The following ENTREP2 variants were observed in gnomAD, a reference collection of about 807,000 sequenced individuals.
ENTREP2 encodes the protein endosomal transmembrane epsin interactor 2, also known as protein ENTREP2.
At chr15:29,214,696 A>AT in the ENTREP2 span, among the ~76,000 whole-genome samples, 1 of 149,248 alleles carries the variant, frequency 6.7e-6, no homozygotes, top group African/African-American at 2.6e-5. Context: ...ATAATAAAAA[A>AT]AAAAAATGTA....
At chr15:29,321,378 G>A in the ENTREP2 span, among the ~76,000 whole-genome samples, 1,793 of 152,194 alleles carry the variant, frequency 0.012, 43 homozygotes, top group African/African-American at 0.041. Flanking sequence ...GGCTGGGCGC[G>A]GTGGCTCATG....
At chr15:29,214,690 T>TA in the ENTREP2 span, among the ~76,000 whole-genome samples, 3,384 of 141,688 alleles carry the variant, frequency 0.024, 63 homozygotes, top group African/African-American at 0.051. Context: ...AGTATAATAA[T>TA]AAAAAAAAAA....
chr15:29,654,350 T>C, the ENTREP2 span, among the ~76,000 whole-genome samples: 1 of 152,154 alleles, frequency 6.6e-6, no homozygotes, highest in South Asian at 2.1e-4. Context: ...AATACTACAT[T>C]GAGGAAGGCA....
the ENTREP2 span, among the ~76,000 whole-genome samples, chr15:29,423,970 G>T: frequency 6.6e-6 from 1 of 152,188 alleles, no homozygotes; most frequent in Non-Finnish European, 1.5e-5. Flanking sequence ...TTCCCCGTGG[G>T]TTCTTGGTCT....
chr15:29,459,030 C>T, the ENTREP2 span, among the ~76,000 whole-genome samples: 26 of 152,346 alleles, frequency 1.7e-4, no homozygotes, highest in South Asian at 3.7e-3. Flanking sequence ...GGCAGGCAAA[C>T]TTCACCAGGC....
chr15:29,480,548 A>C, the ENTREP2 span, among the ~76,000 whole-genome samples: 1 of 151,936 alleles, frequency 6.6e-6, no homozygotes, highest in East Asian at 1.9e-4. Context: ...GCAAAGAAAA[A>C]GAGCCGGATG....
At chr15:29,399,647 T>C in the ENTREP2 span, among the ~76,000 whole-genome samples, 1 of 152,222 alleles carries the variant, frequency 6.6e-6, no homozygotes, top group Non-Finnish European at 1.5e-5. Context: ...CAAAAATCTA[T>C]GTATAACATT....
At chr15:29,444,569 C>T in the ENTREP2 span, among the ~76,000 whole-genome samples, 12 of 151,616 alleles carry the variant, frequency 7.9e-5, no homozygotes, top group Admixed American at 4.6e-4. Context: ...CAGGTTCAAG[C>T]GATTCTCCTG....
the ENTREP2 span, among the ~76,000 whole-genome samples, chr15:29,511,654 C>T: frequency 6.6e-6 from 1 of 151,840 alleles, no homozygotes; most frequent in Non-Finnish European, 1.5e-5. Context: ...GTCAAAGGGC[C>T]TGCAAGTATC....
the ENTREP2 span, among the ~76,000 whole-genome samples, chr15:29,272,571 C>T: frequency 1.3e-5 from 2 of 152,106 alleles, no homozygotes; most frequent in Non-Finnish European, 1.5e-5. Context: ...GTCTGCGGGG[C>T]GGCCATTCCA....
chr15:29,429,244 TGG>T, the ENTREP2 span, among the ~76,000 whole-genome samples: 3 of 152,050 alleles, frequency 2.0e-5, no homozygotes, highest in Non-Finnish European at 4.4e-5. Flanking sequence ...TATCTTGAGA[TGG>T]GGTGTTGCTC....
the ENTREP2 span, among the ~76,000 whole-genome samples, chr15:29,650,638 C>G: frequency 6.6e-6 from 1 of 151,978 alleles, no homozygotes; most frequent in Admixed American, 6.6e-5. Context: ...TACCCTTACT[C>G]TTCAGTTTCC....
At chr15:29,570,235 G>T in the ENTREP2 span, among the ~76,000 whole-genome samples, 1 of 151,732 alleles carries the variant, frequency 6.6e-6, no homozygotes, top group Non-Finnish European at 1.5e-5. Context: ...CTCGGAGGAC[G>T]GCGGGCGCCT....
At chr15:29,126,244 A>G in the ENTREP2 span, 1 of 1,445,182 alleles carries the variant, frequency 6.9e-7, no homozygotes, top group African/African-American at 1.4e-5. Flanking sequence ...CTCTGGGGAC[A>G]TGGGTGAGCC....
the ENTREP2 span, among the ~76,000 whole-genome samples, chr15:29,420,236 A>G: frequency 6.6e-6 from 1 of 152,222 alleles, no homozygotes; most frequent in African/African-American, 2.4e-5. Flanking sequence ...ATATGCTGAA[A>G]GGAAGCAGTA....
chr15:29,232,664 A>ATTGT, the ENTREP2 span, among the ~76,000 whole-genome samples: 48,244 of 150,008 alleles, frequency 0.32, 9,241 homozygotes, highest in East Asian at 0.6. Flanking sequence ...GCCTAATTAA[A>ATTGT]TTGTTTGTTT....
the ENTREP2 span, chr15:29,569,747 G>A: frequency 6.6e-6 from 1 of 152,322 alleles, no homozygotes; most frequent in East Asian, 1.9e-4. Context: ...TTCTTCTATG[G>A]AGATTTGTTC....
At chr15:29,585,925 T>TA in the ENTREP2 span, among the ~76,000 whole-genome samples, 2 of 151,566 alleles carry the variant, frequency 1.3e-5, no homozygotes, top group East Asian at 1.9e-4. Context: ...CTCAACATGT[T>TA]AAACTTTGAT....
At chr15:29,602,281 T>A in the ENTREP2 span, among the ~76,000 whole-genome samples, 1 of 152,142 alleles carries the variant, frequency 6.6e-6, no homozygotes, top group Admixed American at 6.5e-5. Context: ...CGATAAATAT[T>A]TACTGAATTT....
Sources: gnomAD v4.1 joint callset for allele counts (sites outside exome capture counted in the v4.1 genomes callset) on GRCh38, gnomAD v4.1.1 for gene constraint, MANE v1.5 for transcripts, NCBI Gene and HGNC (gene_info 2026-07-23, HGNC 2026-07-21) for gene names.